Variants in TENM2 observed in about 807,000 individuals in gnomAD.
TENM2 encodes teneurin-2.
TENM2 carries 52 observed loss-of-function variants against 245.2 expected under a neutral mutation model. That is an observed-to-expected ratio of 0.21 (90% confidence interval 0.17 to 0.27). The LOEUF is 0.27. TENM2 is among the 10% of genes least tolerant of loss of function. TENM2 has a pLI of 1.00. For synonymous variants in TENM2, 1,363 were observed against 1,438.9 expected (o/e 0.95, Z 1.19); for missense variants, 3,046 against 3,666.8 (o/e 0.83, Z 4.37).
At chr5:167,924,356 G>A (rs375976341) in intron 3 of TENM2, among the ~76,000 whole-genome samples, 19 of 152,312 alleles carry the variant, frequency 1.2e-4, no homozygotes, top group African/African-American at 4.3e-4. Flanking sequence ...CCATTCAGGC[G>A]AGTCAATAGG....
intron 2 of TENM2, among the ~76,000 whole-genome samples, chr5:167,703,388 C>T (rs907612560): frequency 7.2e-5 from 11 of 152,008 alleles, no homozygotes; most frequent in Admixed American, 5.9e-4. Flanking sequence ...AAAAATTAGC[C>T]GAGCATGGTG....
In TENM2 at chr5:167,587,674, C is replaced by CA. The variant is rs565498805; in HGVS notation, c.502+212202dup. On this transcript the variant is annotated intron_variant, in intron 2 of 28. Coordinates refer to ENST00000518659, the Ensembl canonical transcript of TENM2. Reference sequence around the variant, plus strand: ...TAATTCCCTACATCTCCAACATGCTCAGTAGATGTTCATGTCTGATTATGT... The same window carrying CA: ...TAATTCCCTACATCTCCAACATGCTCAAGTAGATGTTCATGTCTGATTATGT... 2.2e-4 allele frequency among the ~76,000 whole-genome samples: 33 copies of CA among 152,258 alleles called. No individual in the cohort carries two copies. In the East Asian group the frequency reaches 5.6e-3, roughly 26 times the overall value.
At chr5:168,049,023 A>G (rs1053026972) in intron 6 of TENM2, among the ~76,000 whole-genome samples, 4 of 152,176 alleles carry the variant, frequency 2.6e-5, no homozygotes, top group Admixed American at 6.5e-5. Flanking sequence ...AAACCTGGTC[A>G]CCTCCAGTAC....
chr5:168,081,630 T>C (rs1156721089), intron 7 of TENM2, among the ~76,000 whole-genome samples: 1 of 152,226 alleles, frequency 6.6e-6, no homozygotes, highest in Non-Finnish European at 1.5e-5. Flanking sequence ...GGCCTGGTGG[T>C]GACAAAATCT....
chr5:167,872,378 AAAAG>A lies in TENM2; in HGVS notation c.503-3601_503-3598del, dbSNP rs140006960. 7.4e-3 allele frequency among the ~76,000 whole-genome samples: 1,109 copies of A among 150,276 alleles called. 18 individuals carry two copies. The highest frequency in any genetic ancestry group is 0.025 in the African/African-American group (1,024 of 40,472). On this transcript the variant is annotated intron_variant, in intron 2 of 28. Transcript: ENST00000518659. The stretch of plus-strand genomic sequence containing the variant: ...AGGAAAGAGAAGGAAGGAAGGAAGG[AAAAG>A]AAAGAAGGAAAGAAAGGAAGAAAAA...
the TENM2 span, among the ~76,000 whole-genome samples, chr5:167,163,054 C>T: frequency 6.6e-6 from 1 of 152,152 alleles, no homozygotes; most frequent in Admixed American, 6.5e-5. Context: ...GCCCTTTGTT[C>T]AGAGGAACCA....
the TENM2 span, among the ~76,000 whole-genome samples, chr5:167,244,761 G>T: frequency 2.6e-5 from 4 of 152,092 alleles, no homozygotes; most frequent in African/African-American, 7.2e-5. Context: ...TCTCCCAAGG[G>T]GTAGAGAGCC....
upstream of TENM2, among the ~76,000 whole-genome samples, chr5:167,281,737 G>A (rs559011994): frequency 2.7e-4 from 41 of 152,210 alleles, no homozygotes; most frequent in African/African-American, 9.4e-4. Flanking sequence ...AGTGGCTCAC[G>A]CCTGTAATCC....
Position 168,051,988 on chromosome 5 carries a change from A to G in TENM2, c.1309+4439A>G, listed in dbSNP as rs371622775. On this transcript the variant is annotated intron_variant, in intron 6 of 28. Coordinates refer to ENST00000518659, the Ensembl canonical transcript of TENM2. ...CCAAAGGTGAAGACCAACCAGGTGC[A>G]GTGGCTCACGCCTGTAATCCCAACA... Among the ~76,000 whole-genome samples, 14 of 152,300 alleles carry G rather than the reference A, an allele frequency of 9.2e-5. 1 individual carries two copies. Among genetic ancestry groups the G allele is most frequent in the East Asian group, 7.7e-4 (4 of 5,178 alleles).
At chr5:167,234,758 C>T in the TENM2 span, among the ~76,000 whole-genome samples, 5,274 of 152,192 alleles carry the variant, frequency 0.035, 301 homozygotes, top group African/African-American at 0.12. Flanking sequence ...GGCTTGTCCT[C>T]CATCATGGGC....
intron 2 of TENM2, among the ~76,000 whole-genome samples, chr5:167,713,155 G>A (rs574131752): frequency 4.7e-4 from 71 of 152,028 alleles, no homozygotes; most frequent in East Asian, 7.7e-4. Flanking sequence ...CAGTGAGTGC[G>A]CCAGTTCATA....
chr5:167,572,823 T>C (rs13153563), intron 2 of TENM2, among the ~76,000 whole-genome samples: 80,984 of 152,068 alleles, frequency 0.53, 24,711 homozygotes, highest in Middle Eastern at 0.68. Context: ...TAAAAGTCTG[T>C]AGCAATAGTG....
chr5:167,558,748 G>A (rs954200425), intron 2 of TENM2, among the ~76,000 whole-genome samples: 11 of 152,084 alleles, frequency 7.2e-5, no homozygotes, highest in African/African-American at 2.4e-4. Flanking sequence ...GAAATAAAGT[G>A]TACAATAAAT....
the TENM2 span, among the ~76,000 whole-genome samples, chr5:167,166,077 T>C: frequency 1.3e-5 from 2 of 152,232 alleles, no homozygotes; most frequent in East Asian, 1.9e-4. Context: ...AATTAGGTCA[T>C]GAATAGGGAA....
intron 2 of TENM2, among the ~76,000 whole-genome samples, chr5:167,562,000 C>T (rs535967794): frequency 1.3e-5 from 2 of 152,154 alleles, no homozygotes; most frequent in Admixed American, 6.5e-5. Context: ...TGGAAAAGGC[C>T]GGGTATGACT....
chr5:167,963,752 A>G (rs768087770), intron 4 of TENM2, among the ~76,000 whole-genome samples: 1 of 151,858 alleles, frequency 6.6e-6, no homozygotes, highest in Non-Finnish European at 1.5e-5. Flanking sequence ...ATCAGTCTTA[A>G]TGAAGCATGT....
At chr5:167,619,873 T>G (rs1778043914) in intron 2 of TENM2, among the ~76,000 whole-genome samples, 2 of 152,044 alleles carry the variant, frequency 1.3e-5, no homozygotes, top group African/African-American at 4.8e-5. Context: ...TTAAAAAAAT[T>G]AATAGGACTG....
chr5:167,602,215 C>T (rs924453661), intron 2 of TENM2, among the ~76,000 whole-genome samples: 8 of 152,162 alleles, frequency 5.3e-5, no homozygotes, highest in African/African-American at 1.9e-4. Context: ...CTACATTCCT[C>T]AGCTGCTTCT....
intron 2 of TENM2, among the ~76,000 whole-genome samples, chr5:167,469,176 G>T (rs1461444951): frequency 6.6e-6 from 1 of 152,098 alleles, no homozygotes; most frequent in African/African-American, 2.4e-5. Flanking sequence ...AAGTTAGGCT[G>T]ATAAGAAGAT....
Sources: gnomAD v4.1 joint callset for allele counts (sites outside exome capture counted in the v4.1 genomes callset) on GRCh38, gnomAD v4.1.1 for gene constraint, MANE v1.5 for transcripts, NCBI Gene and HGNC (gene_info 2026-07-23, HGNC 2026-07-21) for gene names.